The following FKTN variants were observed in gnomAD, a reference collection of about 807,000 sequenced individuals.
FKTN encodes the protein ribitol-5-phosphate transferase FKTN.
In FKTN, 47 loss-of-function variants were observed where a neutral mutation model predicts 58.6. That is an observed-to-expected ratio of 0.80 (90% confidence interval 0.63 to 1.02). The LOEUF is 1.02. Ranked by LOEUF, FKTN falls within the 50% of genes least tolerant of loss-of-function variation. FKTN has a pLI of 0.00. For synonymous variants in FKTN, 178 were observed against 191.9 expected (o/e 0.93, Z 0.60); for missense variants, 516 against 537.3 (o/e 0.96, Z 0.39).
intron 3 of FKTN, among the ~76,000 whole-genome samples, chr9:105,582,030 C>T (rs1174918668): frequency 1.3e-5 from 2 of 152,100 alleles, no homozygotes; most frequent in South Asian, 2.1e-4. Context: ...TCGGCTCGCG[C>T]ACGGTGCGCG....
chr9:105,609,051 A>G (rs1829424804), intron 7 of FKTN, among the ~76,000 whole-genome samples: 1 of 152,220 alleles, frequency 6.6e-6, no homozygotes, highest in African/African-American at 2.4e-5. Flanking sequence ...TTGTCCTCTT[A>G]TCAAATTTTA....
intron 5 of FKTN, 24 bp from the exon 6 acceptor site, chr9:105,604,191 T>A: frequency 6.2e-7 from 1 of 1,610,922 alleles, no homozygotes; most frequent in South Asian, 1.1e-5. Flanking sequence ...TGTTTCTTGA[T>A]GTTTGATGCT....
intron 1 of FKTN, among the ~76,000 whole-genome samples, chr9:105,568,029 C>G (rs1589220335): frequency 6.6e-6 from 1 of 152,282 alleles, no homozygotes; most frequent in South Asian, 2.1e-4. Context: ...CTGATAAAAA[C>G]AAGAAATGGG....
intron 5 of FKTN, 28 bp downstream of exon 5, chr9:105,601,376 A>G: frequency 2.1e-6 from 3 of 1,449,628 alleles, no homozygotes; most frequent in Non-Finnish European, 2.9e-6. Context: ...AGATAATGGA[A>G]TGTGTCTCTT....
intron 2 of FKTN, 29 bp downstream of exon 2, chr9:105,573,775 A>G (rs1290773310): frequency 6.6e-6 from 1 of 152,206 alleles, no homozygotes; most frequent in Non-Finnish European, 1.5e-5. Flanking sequence ...GCTCATCCCA[A>G]TAAAAAGATT....
intron 3 of FKTN, among the ~76,000 whole-genome samples, chr9:105,584,510 G>A (rs1439646182): frequency 6.6e-6 from 1 of 151,950 alleles, no homozygotes; most frequent in Non-Finnish European, 1.5e-5. Flanking sequence ...AAATATCACA[G>A]ATTATTTTTA....
At chr9:105,580,046 G>T (rs1213955354) in intron 3 of FKTN, among the ~76,000 whole-genome samples, 2 of 151,116 alleles carry the variant, frequency 1.3e-5, no homozygotes, top group Non-Finnish European at 2.9e-5. Context: ...CTTTTATTTT[G>T]AGCCTATGTG....
intron 7 of FKTN, among the ~76,000 whole-genome samples, chr9:105,612,461 G>A (rs928443980): frequency 6.6e-6 from 1 of 151,430 alleles, no homozygotes; most frequent in South Asian, 2.1e-4. Flanking sequence ...ATTTTTGCCT[G>A]TGCCTGTGTC....
intron 1 of FKTN, among the ~76,000 whole-genome samples, chr9:105,570,341 A>G (rs913010462): frequency 1.3e-5 from 2 of 152,188 alleles, no homozygotes; most frequent in African/African-American, 4.8e-5. Context: ...AACAGTTATA[A>G]TGCAAAATAG....
chr9:105,591,205 C>T (rs1314517891), intron 3 of FKTN, among the ~76,000 whole-genome samples: 1 of 152,150 alleles, frequency 6.6e-6, no homozygotes, highest in Non-Finnish European at 1.5e-5. Context: ...CCTCATGATC[C>T]TTTCACATTG....
At chr9:105,591,606 C>G (rs1036693927) in intron 3 of FKTN, among the ~76,000 whole-genome samples, 2 of 152,180 alleles carry the variant, frequency 1.3e-5, no homozygotes, top group Admixed American at 1.3e-4. Flanking sequence ...CTCTCATGGG[C>G]TGACATTGAG....
chr9:105,572,230 GTATATA>G (rs35917146), intron 1 of FKTN, among the ~76,000 whole-genome samples: 2 of 146,304 alleles, frequency 1.4e-5, no homozygotes. Context: ...TCTTGAGACT[GTATATA>G]TATATATATA....
intron 3 of FKTN, among the ~76,000 whole-genome samples, chr9:105,585,857 G>A (rs17309137): frequency 0.24 from 36,762 of 152,124 alleles, 4,934 homozygotes; most frequent in Non-Finnish European, 0.31. Flanking sequence ...TTATAGGTTA[G>A]CGTCATCAAC....
intron 4 of FKTN, chr9:105,598,707 T>C (rs957771134): frequency 3.3e-5 from 5 of 152,064 alleles, no homozygotes; most frequent in Admixed American, 6.5e-5. Context: ...AGAAGGTGAG[T>C]TATAGAATCT....
intron 1 of FKTN, among the ~76,000 whole-genome samples, chr9:105,570,592 T>C (rs1180245097): frequency 6.6e-6 from 1 of 152,184 alleles, no homozygotes; most frequent in Non-Finnish European, 1.5e-5. Context: ...TCCACCACTA[T>C]CACTACTGCC....
Position 105,617,951 on chromosome 9 carries a change from CT to C in FKTN, c.911-3del. 1 of 1,552,504 alleles carries C rather than the reference CT, an allele frequency of 6.4e-7. No homozygotes were observed. The highest frequency in any genetic ancestry group is 8.8e-7 in the Non-Finnish European group (1 of 1,133,332). Reference sequence around the variant, plus strand: ...AATTTTGTTAAAAAAATTTAATCTTCTTTTTAGGATGGTATCGACAATGCAA... The same window carrying C: ...AATTTTGTTAAAAAAATTTAATCTTCTTTTAGGATGGTATCGACAATGCAA... On this transcript the variant is annotated splice_region_variant and splice_polypyrimidine_tract_variant and intron_variant, in intron 8 of 10. Coordinates refer to ENST00000357998, the MANE Select transcript of FKTN (RefSeq NM_001079802.2).
chr9:105,581,779 T>G (rs1161193597), intron 3 of FKTN, among the ~76,000 whole-genome samples: 2 of 152,186 alleles, frequency 1.3e-5, no homozygotes, highest in African/African-American at 2.4e-5. Flanking sequence ...GCTGCCGCCT[T>G]GCAGTTTGAT....
At position 105,604,301 on chromosome 9, in the gene FKTN, A is replaced by G; in HGVS notation, c.456A>G (p.Ser152=). The G allele has an allele frequency of 2.5e-6, 4 of 1,613,754 alleles. No individual in the cohort carries two copies. The highest frequency in any genetic ancestry group is 3.4e-6 in the Non-Finnish European group (4 of 1,179,900). The change falls in exon 6 of 11, where the codon TCA becomes TCG. Residue 152 remains serine (S), a synonymous_variant. Coordinates refer to ENST00000357998, the MANE Select transcript of FKTN (RefSeq NM_001079802.2). The part of the protein sequence containing the change: ...SKDPRLDGID[S]LSGTEIPLHY... ...ATCCCCGGCTAGACGGGATAGACTC[A>G]CTCTCTGGAACTGAAATCCCCCTGC...
rs10816280 is a variant in FKTN, at chr9:105,581,240, G to C, written c.105+6103G>C. ...TGCGTTCCTTTGTAGGAGGAGAGGCGCTCTGCGTTTTAGAGTTTCCAGTTT... is the reference window on the plus strand; with the variant it reads ...TGCGTTCCTTTGTAGGAGGAGAGGCCCTCTGCGTTTTAGAGTTTCCAGTTT... On this transcript the variant is annotated intron_variant, in intron 3 of 10. Transcript: ENST00000357998. Among the ~76,000 whole-genome samples, 278 of 148,274 alleles carry C rather than the reference G, an allele frequency of 1.9e-3. 3 individuals are homozygous for C. The highest frequency in any genetic ancestry group is 8.0e-3 in the East Asian group (40 of 4,976).
Sources: gnomAD v4.1 joint callset for allele counts (sites outside exome capture counted in the v4.1 genomes callset) on GRCh38, gnomAD v4.1.1 for gene constraint, MANE v1.5 for transcripts, NCBI Gene and HGNC (gene_info 2026-07-23, HGNC 2026-07-21) for gene names.